The following ZCWPW2 variants were observed in gnomAD, a reference collection of about 807,000 sequenced individuals.
The protein encoded by ZCWPW2 is zinc finger CW-type PWWP domain protein 2.
ZCWPW2 carries 45 observed loss-of-function variants against 46.6 expected under a neutral mutation model. That is an observed-to-expected ratio of 0.96 (90% CI 0.76 to 1.24). ZCWPW2 has a LOEUF of 1.24. Ranked by LOEUF, ZCWPW2 falls within the 50% of genes most tolerant of loss-of-function variation. The pLI is 0.00. For missense variants in ZCWPW2, 429 were observed against 403.9 expected (o/e 1.06, Z -0.53); for synonymous variants, 152 against 137.1 (o/e 1.11, Z -0.76).
chr3:28,377,971 T>A (rs2125707241), intron 1 of ZCWPW2, among the ~76,000 whole-genome samples: 1 of 152,222 alleles, frequency 6.6e-6, no homozygotes, highest in Middle Eastern at 3.4e-3. Context: ...TATGCCAGTA[T>A]GCTGTTTTCG....
intron 1 of ZCWPW2, among the ~76,000 whole-genome samples, chr3:28,387,490 T>A (rs1454654189): frequency 6.6e-6 from 1 of 152,226 alleles, no homozygotes; most frequent in Non-Finnish European, 1.5e-5. Flanking sequence ...TTAAAAATTG[T>A]TTTATTTTCA....
intron 5 of ZCWPW2, among the ~76,000 whole-genome samples, chr3:28,489,895 G>C (rs146145096): frequency 4.3e-4 from 66 of 152,212 alleles, no homozygotes; most frequent in African/African-American, 1.4e-3. Flanking sequence ...ACTATCAACA[G>C]AGTAAATAGC....
At chr3:28,497,308 T>C (rs1700017932) in intron 6 of ZCWPW2, among the ~76,000 whole-genome samples, 1 of 151,790 alleles carries the variant, frequency 6.6e-6, no homozygotes, top group African/African-American at 2.4e-5. Flanking sequence ...CAATGAGATC[T>C]TATTATATAT....
At chr3:28,498,761 T>C (rs1321493966) in intron 6 of ZCWPW2, among the ~76,000 whole-genome samples, 1 of 151,968 alleles carries the variant, frequency 6.6e-6, no homozygotes, top group Non-Finnish European at 1.5e-5. Context: ...CAACCCGTCA[T>C]CTACATTAGG....
intron 4 of ZCWPW2, among the ~76,000 whole-genome samples, chr3:28,439,447 C>T (rs1697657723): frequency 6.6e-6 from 1 of 152,178 alleles, no homozygotes; most frequent in East Asian, 1.9e-4. Flanking sequence ...TTTCCCAGCC[C>T]AGTGACTCAA....
At chr3:28,480,198 C>G (rs1398325560) in intron 5 of ZCWPW2, among the ~76,000 whole-genome samples, 2 of 152,164 alleles carry the variant, frequency 1.3e-5, no homozygotes, top group Non-Finnish European at 2.9e-5. Context: ...AGTGTATAAG[C>G]ATTCCTATTT....
intron 6 of ZCWPW2, chr3:28,510,906 GTAGGGAATGAAACAAT>G: frequency 2.9e-6 from 1 of 349,826 alleles, no homozygotes; most frequent in South Asian, 2.2e-5. Flanking sequence ...CTGAGGATTA[GTAGGGAATGAAACAAT>G]TAGAACAGAA....
chr3:28,439,788 A>G (rs1697672500), intron 4 of ZCWPW2, among the ~76,000 whole-genome samples: 1 of 152,216 alleles, frequency 6.6e-6, no homozygotes, highest in Non-Finnish European at 1.5e-5. Context: ...AAAGGAAATA[A>G]AATGAAGATA....
At chr3:28,435,485 CTTTT>C (rs1197458440) in intron 4 of ZCWPW2, among the ~76,000 whole-genome samples, 1 of 134,140 alleles carries the variant, frequency 7.5e-6, no homozygotes. Flanking sequence ...TTCTTTCTGT[CTTTT>C]TTTTTTTTTT....
At chr3:28,454,750 C>A (rs1466097905) in intron 4 of ZCWPW2, among the ~76,000 whole-genome samples, 1 of 152,166 alleles carries the variant, frequency 6.6e-6, no homozygotes, top group Non-Finnish European at 1.5e-5. Context: ...GTTTTCTGTT[C>A]CTGCATTAAA....
At chr3:28,365,018 T>C (rs1705076616) in intron 1 of ZCWPW2, among the ~76,000 whole-genome samples, 1 of 152,142 alleles carries the variant, frequency 6.6e-6, no homozygotes, top group Non-Finnish European at 1.5e-5. Flanking sequence ...TGTAAATTTG[T>C]TTGAGTTCAT....
chr3:28,466,515 G>A (rs1424333339), intron 4 of ZCWPW2, among the ~76,000 whole-genome samples: 2 of 152,114 alleles, frequency 1.3e-5, no homozygotes, highest in African/African-American at 2.4e-5. Context: ...AATAAAGCCC[G>A]AGACTGGCTG....
At chr3:28,368,531 G>C (rs1247306022) in intron 1 of ZCWPW2, among the ~76,000 whole-genome samples, 1 of 152,182 alleles carries the variant, frequency 6.6e-6, no homozygotes, top group Non-Finnish European at 1.5e-5. Context: ...GAGATCAGCT[G>C]TTAGTCTGAT....
chr3:28,428,946 C>T (rs1195428202), intron 3 of ZCWPW2, among the ~76,000 whole-genome samples: 2 of 152,100 alleles, frequency 1.3e-5, no homozygotes, highest in Admixed American at 6.5e-5. Context: ...TTATAAATTA[C>T]CCAGTCTTGG....
chr3:28,515,702 A>G (rs1700544063), intron 8 of ZCWPW2, 81 bp downstream of exon 8: 2 of 1,294,542 alleles, frequency 1.5e-6, no homozygotes, highest in African/African-American at 1.5e-5. Flanking sequence ...TTTGAAGGAA[A>G]AAAAAAGATT....
intron 1 of ZCWPW2, among the ~76,000 whole-genome samples, chr3:28,384,163 T>C (rs745806113): frequency 1.3e-5 from 2 of 152,216 alleles, no homozygotes; most frequent in Non-Finnish European, 2.9e-5. Context: ...TCTACTTCTG[T>C]GTTTATTTAT....
intron 1 of ZCWPW2, among the ~76,000 whole-genome samples, chr3:28,371,798 G>A (rs1037127746): frequency 1.3e-5 from 2 of 152,158 alleles, no homozygotes; most frequent in African/African-American, 4.8e-5. Flanking sequence ...GTGGGTGGGG[G>A]TTGGTGGCGG....
intron 4 of ZCWPW2, among the ~76,000 whole-genome samples, chr3:28,453,823 ATTTATTTATT>A (rs1359229677): frequency 3.4e-5 from 5 of 147,230 alleles, no homozygotes; most frequent in African/African-American, 1.3e-4. Flanking sequence ...TTATTTATTT[ATTTATTTATT>A]TTTATTTTTT....
intron 5 of ZCWPW2, among the ~76,000 whole-genome samples, chr3:28,482,278 T>C (rs1317576087): frequency 6.6e-6 from 1 of 152,194 alleles, no homozygotes; most frequent in Non-Finnish European, 1.5e-5. Context: ...GGTTTCTTTC[T>C]CTTAGTAATA....
Sources: gnomAD v4.1 joint callset for allele counts (sites outside exome capture counted in the v4.1 genomes callset) on GRCh38, gnomAD v4.1.1 for gene constraint, MANE v1.5 for transcripts, NCBI Gene and HGNC (gene_info 2026-07-23, HGNC 2026-07-21) for gene names.